The following ANKRD13C variants were observed in gnomAD, a reference collection of about 807,000 sequenced individuals.
The protein encoded by ANKRD13C is ankyrin repeat domain 13C, also known as ankyrin repeat domain-containing protein 13C.
In ANKRD13C, 16 loss-of-function variants were observed where a neutral mutation model predicts 65.5. The observed-to-expected ratio is 0.24, with a 90% CI of 0.17 to 0.37. The LOEUF (loss-of-function observed/expected upper bound fraction) is 0.37, where lower values mean the gene tolerates loss of function less well. Ranked by LOEUF, ANKRD13C falls within the 10% of genes least tolerant of loss-of-function variation. The pLI, the probability that ANKRD13C is intolerant of heterozygous loss-of-function variation, is 1.00. For missense variants in ANKRD13C, 503 were observed against 655.9 expected (o/e 0.77, Z 2.55); for synonymous variants, 235 against 238.7 (o/e 0.98, Z 0.14).
chr1:70,349,622 A>C (rs912526458), intron 1 of ANKRD13C, among the ~76,000 whole-genome samples: 24 of 152,206 alleles, frequency 1.6e-4, no homozygotes, highest in African/African-American at 5.8e-4. Flanking sequence ...AATTTTACCA[A>C]ATCAGTGATA....
In ANKRD13C at chr1:70,270,838, T is replaced by C. The variant is rs756367808; in HGVS notation, c.1495+18A>G. ...ATTCCTAATGGACACTAAAATTATA[T>C]CTAATTTTTTCTCTTACCTAATTTT... On this transcript the variant is annotated intron_variant, in intron 12 of 12. Coordinates refer to ENST00000370944, the MANE Select transcript of ANKRD13C (RefSeq NM_030816.5). 2.7e-6 allele frequency: 4 copies of C among 1,498,396 alleles called. No homozygotes were observed. Among genetic ancestry groups the C allele is most frequent in the African/African-American group, 1.4e-5 (1 of 71,674 alleles). 92.8% of individuals were successfully genotyped at this position (1,498,396 alleles called of 1,614,324 possible). A position where few individuals can be genotyped will look rare whatever the true frequency, so the allele number is the denominator to read the frequency against.
At chr1:70,282,631 T>A (rs561023391) in intron 9 of ANKRD13C, among the ~76,000 whole-genome samples, 4 of 152,352 alleles carry the variant, frequency 2.6e-5, no homozygotes, top group Non-Finnish European at 4.4e-5. Context: ...CAATGGCTTA[T>A]CAGTAGAATG....
chr1:70,267,683 C>T (rs1447292555), intron 12 of ANKRD13C, among the ~76,000 whole-genome samples: 4 of 152,094 alleles, frequency 2.6e-5, no homozygotes, highest in African/African-American at 9.7e-5. Flanking sequence ...CTCTGTTCTT[C>T]ATTTCTCTGT....
intron 9 of ANKRD13C, among the ~76,000 whole-genome samples, chr1:70,277,632 A>C (rs1679199953): frequency 6.6e-6 from 1 of 152,210 alleles, no homozygotes; most frequent in Non-Finnish European, 1.5e-5. Flanking sequence ...CTGTGGGTAA[A>C]GATCAAGACT....
chr1:70,319,997 C>A (rs1031478805), intron 3 of ANKRD13C, among the ~76,000 whole-genome samples: 4 of 152,050 alleles, frequency 2.6e-5, no homozygotes, highest in African/African-American at 9.7e-5. Context: ...AGGGAATGGG[C>A]AGAGTTCTGA....
At chr1:70,334,245 G>A (rs1681923642) in intron 2 of ANKRD13C, among the ~76,000 whole-genome samples, 1 of 151,938 alleles carries the variant, frequency 6.6e-6, no homozygotes, top group African/African-American at 2.4e-5. Flanking sequence ...AGGATCACTT[G>A]AGCCCAGGAG....
intron 10 of ANKRD13C, among the ~76,000 whole-genome samples, 163 bp downstream of exon 10, chr1:70,276,602 A>G (rs1221212684): frequency 6.6e-6 from 1 of 152,222 alleles, no homozygotes. Context: ...CTTTGCCCTT[A>G]TCATATTTAA....
chr1:70,268,040 G>C (rs1487361182), intron 12 of ANKRD13C, among the ~76,000 whole-genome samples: 2 of 151,112 alleles, frequency 1.3e-5, no homozygotes, highest in Non-Finnish European at 3.0e-5. Context: ...GTGCTTTTTT[G>C]TTGTTGTTGT....
At chr1:70,280,596 C>T (rs1263325867) in intron 9 of ANKRD13C, among the ~76,000 whole-genome samples, 1 of 152,114 alleles carries the variant, frequency 6.6e-6, no homozygotes, top group African/African-American at 2.4e-5. Context: ...ACTGTGGAGC[C>T]AGAGTGATCC....
intron 9 of ANKRD13C, among the ~76,000 whole-genome samples, chr1:70,285,228 T>A (rs534374911): frequency 6.8e-6 from 1 of 146,218 alleles, no homozygotes; most frequent in African/African-American, 2.6e-5. Context: ...AGTCTCACTC[T>A]GTTGCCCAGG....
In ANKRD13C at chr1:70,261,236, G is replaced by A. The variant is rs961044152; in HGVS notation, c.*1481C>T. The A allele has an allele frequency of 6.6e-6, 1 of 152,046 alleles. No homozygotes were observed. The highest frequency in any genetic ancestry group is 2.4e-5 in the African/African-American group (1 of 41,398). The allele number at this position is 152,046 out of a possible 1,614,324, so 9.4% of individuals were successfully genotyped here. A position where few individuals can be genotyped will look rare whatever the true frequency, so the allele number is the denominator to read the frequency against. On this transcript the variant is annotated 3_prime_UTR_variant, in exon 13 of 13. Transcript: ENST00000370944. ...CAATGCATGTATCAGTATGGAAGAT[G>A]CAGCTTTAAAGATGTTTATTTAAAA...
At chr1:70,290,539 C>CTT (rs768872701) in intron 9 of ANKRD13C, among the ~76,000 whole-genome samples, 10 of 142,216 alleles carry the variant, frequency 7.0e-5, no homozygotes, top group East Asian at 2.0e-4. Flanking sequence ...GATTTTTCTC[C>CTT]TTTTTTTTTT....
At chr1:70,323,513 G>A (rs1160942237) in intron 3 of ANKRD13C, among the ~76,000 whole-genome samples, 1 of 151,464 alleles carries the variant, frequency 6.6e-6, no homozygotes, top group African/African-American at 2.4e-5. Context: ...CATGGTGGCA[G>A]GCACCTGTGA....
At chr1:70,300,630 G>C (rs1680309675) in intron 7 of ANKRD13C, 134 bp downstream of exon 7, 10 of 768,876 alleles carry the variant, frequency 1.3e-5, no homozygotes, top group Non-Finnish European at 1.9e-5. Flanking sequence ...CTAGTGGTCA[G>C]GAAACTATAG....
intron 1 of ANKRD13C, among the ~76,000 whole-genome samples, chr1:70,352,363 A>AG (rs1682783146): frequency 6.7e-6 from 1 of 148,876 alleles, no homozygotes. Context: ...AAAAAAAAAA[A>AG]GTTAATTTCA....
chr1:70,279,643 CA>C (rs1197766449), intron 9 of ANKRD13C, among the ~76,000 whole-genome samples: 1 of 151,450 alleles, frequency 6.6e-6, no homozygotes, highest in Non-Finnish European at 1.5e-5. Context: ...GTTGGGATTA[CA>C]GGTGTGCATC....
chr1:70,328,042 C>T (rs911221015), intron 2 of ANKRD13C, among the ~76,000 whole-genome samples: 14 of 151,790 alleles, frequency 9.2e-5, no homozygotes, highest in African/African-American at 2.9e-4. Flanking sequence ...GAGACTCCGA[C>T]TCAAAAACAC....
At chr1:70,323,462 G>A (rs912116457) in intron 3 of ANKRD13C, among the ~76,000 whole-genome samples, 1 of 151,824 alleles carries the variant, frequency 6.6e-6, no homozygotes, top group Non-Finnish European at 1.5e-5. Context: ...GACCAACATG[G>A]TGAAACCCCG....
At chr1:70,265,429 G>A (rs1422014309) in intron 12 of ANKRD13C, among the ~76,000 whole-genome samples, 1 of 152,022 alleles carries the variant, frequency 6.6e-6, no homozygotes, top group East Asian at 1.9e-4. Context: ...TAACAATAAG[G>A]ATCAATAATA....
Sources: gnomAD v4.1 joint callset for allele counts (sites outside exome capture counted in the v4.1 genomes callset) on GRCh38, gnomAD v4.1.1 for gene constraint, MANE v1.5 for transcripts, NCBI Gene and HGNC (gene_info 2026-07-23, HGNC 2026-07-21) for gene names.